The following RAB38 variants were observed in gnomAD, a reference collection of about 807,000 sequenced individuals.
RAB38 encodes ras-related protein Rab-38.
A neutral mutation model predicts 18.4 loss-of-function variants in RAB38; 15 were observed. That is an observed-to-expected ratio of 0.82 (90% CI 0.55 to 1.26). The LOEUF (loss-of-function observed/expected upper bound fraction) is 1.26, where lower values mean the gene tolerates loss of function less well. Ranked by LOEUF, RAB38 falls within the 50% of genes most tolerant of loss-of-function variation. The probability of loss-of-function intolerance (pLI) is 0.00; values close to 1 mark genes in which losing one functional copy is unlikely to be tolerated. For missense variants in RAB38, 294 were observed against 267.4 expected (o/e 1.10, Z -0.69); for synonymous variants, 101 against 104.4 (o/e 0.97, Z 0.20).
Position 88,133,783 on chromosome 11 carries a change from G to GA in RAB38, c.483+15891dup, listed in dbSNP as rs1342214407. Among the ~76,000 whole-genome samples the GA allele has an allele frequency of 2.6e-5, 4 of 151,756 alleles. No individual in the cohort carries two copies. The South Asian group carries it at 6.2e-4, about 24-fold the overall frequency. ...GTTTACTACTCAGAAGAATAGCATA[G>GA]AAAAAAAAGAGTGAAAAGTCAGGCT... On this transcript the variant is annotated intron_variant, in intron 2 of 2. Transcript: ENST00000243662.
chr11:88,056,657 A>C, the RAB38 span, among the ~76,000 whole-genome samples: 1 of 152,046 alleles, frequency 6.6e-6, no homozygotes, highest in Non-Finnish European at 1.5e-5. Context: ...ACAAAAAATT[A>C]GACGAGCGAG....
chr11:87,924,485 C>A, the RAB38 span, among the ~76,000 whole-genome samples: 1 of 151,370 alleles, frequency 6.6e-6, no homozygotes, highest in Non-Finnish European at 1.5e-5. Flanking sequence ...TAACTGGTGA[C>A]CTTTTTTCTG....
At chr11:87,813,319 A>G in the RAB38 span, among the ~76,000 whole-genome samples, 1 of 152,180 alleles carries the variant, frequency 6.6e-6, no homozygotes, top group Non-Finnish European at 1.5e-5. Context: ...CAGTGTGTTG[A>G]TAAAGAACTG....
the RAB38 span, among the ~76,000 whole-genome samples, chr11:88,020,172 A>AT: frequency 1.3e-5 from 2 of 152,202 alleles, no homozygotes; most frequent in African/African-American, 4.8e-5. Context: ...AGAGGAGCTG[A>AT]ATAGATAAAA....
At chr11:87,875,239 A>G in the RAB38 span, among the ~76,000 whole-genome samples, 1 of 151,664 alleles carries the variant, frequency 6.6e-6, no homozygotes. Context: ...CAATCATTCC[A>G]CATTATATAC....
chr11:88,018,023 C>A, the RAB38 span, among the ~76,000 whole-genome samples: 1 of 152,038 alleles, frequency 6.6e-6, no homozygotes, highest in Non-Finnish European at 1.5e-5. Context: ...ATGAGACATG[C>A]CTTTCACCTT....
the RAB38 span, among the ~76,000 whole-genome samples, chr11:87,810,128 T>C: frequency 1.3e-5 from 2 of 152,202 alleles, no homozygotes; most frequent in Admixed American, 1.3e-4. Context: ...ATAGGAGATA[T>C]AAGGGGAAAG....
At chr11:88,054,405 C>T in the RAB38 span, among the ~76,000 whole-genome samples, 1 of 152,174 alleles carries the variant, frequency 6.6e-6, no homozygotes, top group Non-Finnish European at 1.5e-5. Context: ...TGACACACCT[C>T]AGTGAAGCAA....
the RAB38 span, among the ~76,000 whole-genome samples, chr11:88,088,532 T>C: frequency 5.3e-5 from 8 of 151,954 alleles, no homozygotes; most frequent in African/African-American, 1.9e-4. Flanking sequence ...AGAGGGGAGC[T>C]ATATTTTCAT....
chr11:87,876,139 G>C, the RAB38 span, among the ~76,000 whole-genome samples: 1 of 151,578 alleles, frequency 6.6e-6, no homozygotes, highest in African/African-American at 2.4e-5. Flanking sequence ...TCTGGGGATA[G>C]AATTCGAAAC....
chr11:88,058,945 T>C, the RAB38 span, among the ~76,000 whole-genome samples: 26 of 152,334 alleles, frequency 1.7e-4, no homozygotes, highest in African/African-American at 6.0e-4. Context: ...TACCTCTAGC[T>C]GAGACAGAGA....
chr11:87,956,193 C>T, the RAB38 span, among the ~76,000 whole-genome samples: 3,586 of 151,932 alleles, frequency 0.024, 142 homozygotes, highest in African/African-American at 0.081. Flanking sequence ...TAAATATCAA[C>T]GATACAAAGT....
the RAB38 span, among the ~76,000 whole-genome samples, chr11:87,929,410 G>T: frequency 5.3e-5 from 8 of 151,336 alleles, no homozygotes; most frequent in African/African-American, 1.9e-4. Flanking sequence ...TCTTATTAAA[G>T]GTTTCACCCT....
At chr11:87,805,428 G>C in the RAB38 span, among the ~76,000 whole-genome samples, 4 of 151,516 alleles carry the variant, frequency 2.6e-5, no homozygotes, top group Non-Finnish European at 5.9e-5. Flanking sequence ...AAATGCTCAG[G>C]CATCTTAATA....
the RAB38 span, among the ~76,000 whole-genome samples, chr11:87,956,991 G>A: frequency 4.0e-3 from 598 of 149,286 alleles, 2 homozygotes; most frequent in Non-Finnish European, 6.5e-3. Flanking sequence ...TTTGGGGGGG[G>A]GTCCTTGAGT....
the RAB38 span, among the ~76,000 whole-genome samples, chr11:88,028,762 A>C: frequency 1.7e-3 from 253 of 152,310 alleles, 3 homozygotes; most frequent in Admixed American, 0.013. Context: ...ATTGGTGTAC[A>C]TGAAAGTGAC....
intron 1 of RAB38, chr11:88,173,844 A>G: frequency 1.0e-6 from 1 of 985,442 alleles, no homozygotes; most frequent in Non-Finnish European, 1.2e-6. Flanking sequence ...TCACATGCTA[A>G]AAGAAAAAGG....
chr11:87,901,797 C>T, the RAB38 span, among the ~76,000 whole-genome samples: 1 of 151,552 alleles, frequency 6.6e-6, no homozygotes, highest in African/African-American at 2.4e-5. Flanking sequence ...TAATCATAGT[C>T]CATCAGGAAA....
At chr11:87,864,278 T>C in the RAB38 span, among the ~76,000 whole-genome samples, 1 of 151,226 alleles carries the variant, frequency 6.6e-6, no homozygotes, top group Non-Finnish European at 1.5e-5. Context: ...GCTCATATAA[T>C]TAATAAACTA....
Sources: gnomAD v4.1 joint callset for allele counts (sites outside exome capture counted in the v4.1 genomes callset) on GRCh38, gnomAD v4.1.1 for gene constraint, MANE v1.5 for transcripts, NCBI Gene and HGNC (gene_info 2026-07-23, HGNC 2026-07-21) for gene names.